TAC4: variants seen among roughly 807,000 people sequenced by gnomAD.
TAC4 encodes the protein tachykinin-4.
A neutral mutation model predicts 17.7 loss-of-function variants in TAC4; 17 were observed. The observed-to-expected ratio is 0.96, with a 90% CI of 0.66 to 1.44. The LOEUF is 1.44. Among genes scored for constraint, TAC4 ranks in the 40% most tolerant of loss-of-function variants. The pLI is 0.00. For synonymous variants in TAC4, 62 were observed against 52.4 expected (o/e 1.18, Z -0.79); for missense variants, 118 against 125.6 (o/e 0.94, Z 0.29).
chr17:49,840,846 A>G (rs1361273667), intron 3 of TAC4, among the ~76,000 whole-genome samples: 1 of 143,040 alleles, frequency 7.0e-6, no homozygotes, highest in East Asian at 2.1e-4. Context: ...TTCGCTTTTC[A>G]CTGAAAGATT....
chr17:49,847,140 C>T (rs1042198127), intron 1 of TAC4: 19 of 1,289,868 alleles, frequency 1.5e-5, no homozygotes, highest in Admixed American at 1.1e-4. Context: ...AAGCCAAGGC[C>T]ACCCCAGTGT....
In TAC4 at chr17:49,841,711, C is replaced by T. The variant is rs1158603681; in HGVS notation, c.200-127G>A. The T allele has an allele frequency of 8.9e-6, 8 of 901,504 alleles. No homozygotes were observed. In the South Asian group the frequency reaches 1.7e-4, roughly 19 times the overall value. The allele number at this position is 901,504 out of a possible 1,614,324, so 55.8% of individuals were successfully genotyped here. ...GGGTCTTCAGTAGAATTCTAGTCAT[C>T]CCCAGTTATCCTCTGTGGCAGTAGG... On this transcript the variant is annotated intron_variant, in intron 2 of 4. Coordinates refer to ENST00000436235, the MANE Select transcript of TAC4 (RefSeq NM_001077506.2).
At chr17:49,840,367 G>A (rs1421764934) in intron 3 of TAC4, among the ~76,000 whole-genome samples, 3 of 152,226 alleles carry the variant, frequency 2.0e-5, no homozygotes, top group African/African-American at 7.2e-5. Context: ...AGGCAGTCAG[G>A]GAAGGAGAGC....
At chr17:49,844,897 C>T (rs1312641962) in intron 1 of TAC4, among the ~76,000 whole-genome samples, 4 of 152,186 alleles carry the variant, frequency 2.6e-5, no homozygotes, top group Non-Finnish European at 4.4e-5. Flanking sequence ...CTAGTAGAAA[C>T]TATGATTTCC....
At chr17:49,843,933 C>A in intron 2 of TAC4, 131 bp downstream of exon 2, 1 of 766,650 alleles carries the variant, frequency 1.3e-6, no homozygotes, top group Non-Finnish European at 2.3e-6. Context: ...GCCACCCCAT[C>A]TCATGAGCGA....
chr17:49,847,323 C>A (rs1567876679), intron 1 of TAC4: 1 of 1,193,654 alleles, frequency 8.4e-7, no homozygotes, highest in South Asian at 1.4e-5. Flanking sequence ...CCTCCCCAAT[C>A]AGATTGTCAG....
At chr17:49,842,538 A>G (rs1373556451) in intron 2 of TAC4, among the ~76,000 whole-genome samples, 2 of 152,272 alleles carry the variant, frequency 1.3e-5, no homozygotes, top group East Asian at 1.9e-4. Flanking sequence ...TCAAAAAAAA[A>G]AAGAAGTTTG....
intron 3 of TAC4, among the ~76,000 whole-genome samples, chr17:49,840,584 C>T (rs900329235): frequency 6.6e-6 from 1 of 152,090 alleles, no homozygotes; most frequent in African/African-American, 2.4e-5. Flanking sequence ...CTCACTGCAA[C>T]CTCTGCCTCC....
At chr17:49,839,763 T>C in intron 4 of TAC4, 87 bp downstream of exon 4, 1 of 1,295,128 alleles carries the variant, frequency 7.7e-7, no homozygotes, top group Non-Finnish European at 1.1e-6. Flanking sequence ...TCTGTCTAGC[T>C]GCCCAGCCCC....
intron 1 of TAC4, chr17:49,847,183 C>G (rs1302988266): frequency 7.8e-7 from 1 of 1,289,928 alleles, no homozygotes; most frequent in African/African-American, 1.5e-5. Context: ...GGAGTCAGGC[C>G]CAGCCTTGTC....
intron 2 of TAC4, among the ~76,000 whole-genome samples, chr17:49,843,470 C>T (rs1200801160): frequency 6.6e-6 from 1 of 152,254 alleles, no homozygotes. Flanking sequence ...TGGAAGGCAC[C>T]ACTCAGGGTG....
Position 49,839,882 on chromosome 17 carries a change from C to A in TAC4, c.260G>T (p.Gly87Val). The change falls in exon 4 of 5, where the codon GGC (glycine) becomes GTC (valine). Residue 87 changes from glycine to valine, a missense_variant. Gly to Val is a moderately radical substitution (Grantham distance 109). Transcript: ENST00000436235. ...KAYQLEHTFQ[G>V]LLGKRSLFTE... Reference sequence around the variant, plus strand: ...GAACAGGCTTCTCTTGCCCAGGAGGCCCTGGAACGTGTGTTCCAGCTGATA... The same window carrying A: ...GAACAGGCTTCTCTTGCCCAGGAGGACCTGGAACGTGTGTTCCAGCTGATA... 1 of 1,612,406 alleles carries A rather than the reference C, an allele frequency of 6.2e-7. No individual in the cohort carries two copies. Among genetic ancestry groups the A allele is most frequent in the South Asian group, 1.1e-5 (1 of 90,466 alleles).
In TAC4 at chr17:49,843,887, C is replaced by T. The variant is rs1246509535; in HGVS notation, c.199+177G>A. On this transcript the variant is annotated intron_variant, in intron 2 of 4. Transcript: ENST00000436235. ...GGGATTACAGACATGAGCCACTGCC[C>T]CCCAGCCTGGATGATAATTCCTATG... 2.0e-5 allele frequency among the ~76,000 whole-genome samples: 3 copies of T among 152,210 alleles called. No individual in the cohort carries two copies. The East Asian group carries it at 5.8e-4, about 29-fold the overall frequency.
At chr17:49,846,389 G>T in intron 1 of TAC4, 1 of 458,416 alleles carries the variant, frequency 2.2e-6, no homozygotes, top group Non-Finnish European at 3.6e-6. Flanking sequence ...TGATCCTCCC[G>T]CCTCAGCCTT....
intron 2 of TAC4, among the ~76,000 whole-genome samples, chr17:49,842,125 C>T (rs1293301193): frequency 6.6e-6 from 1 of 151,054 alleles, no homozygotes; most frequent in Non-Finnish European, 1.5e-5. Flanking sequence ...AGGATGGTCT[C>T]GATCTCCTGA....
Position 49,844,141 on chromosome 17 carries a change from C to T in TAC4, c.122G>A (p.Ser41Asn). Residue 41 changes from serine to asparagine, a missense_variant, in exon 2 of 5, where the codon AGC (serine) becomes AAC (asparagine). Transcript: ENST00000436235. Reference protein sequence around the residue: ...EAETWEGAGPSIQLQLQEVKT... With the variant: ...EAETWEGAGPNIQLQLQEVKT... ...CACCTCCTGCAGCTGGAGCTGAATG[C>T]TGGGGCCAGCGCCTTCCTGAAGAAG... The T allele has an allele frequency of 1.2e-6, 2 of 1,613,802 alleles. No homozygotes were observed. The highest frequency in any genetic ancestry group is 1.7e-6 in the Non-Finnish European group (2 of 1,179,706).
At chr17:49,843,601 TTTC>T (rs1340675031) in intron 2 of TAC4, among the ~76,000 whole-genome samples, 1 of 152,206 alleles carries the variant, frequency 6.6e-6, no homozygotes, top group Non-Finnish European at 1.5e-5. Flanking sequence ...TGCATGCTAA[TTTC>T]TTTTTTTGAG....
chr17:49,841,841 C>A (rs1310524974), intron 2 of TAC4, among the ~76,000 whole-genome samples: 1 of 151,502 alleles, frequency 6.6e-6, no homozygotes, highest in Admixed American at 6.6e-5. Context: ...AAGTGCTTAA[C>A]CTATCTGAGC....
chr17:49,844,027 C>T, intron 2 of TAC4, 37 bp downstream of exon 2: 1 of 1,596,328 alleles, frequency 6.3e-7, no homozygotes, highest in Non-Finnish European at 8.6e-7. Flanking sequence ...CCACTCAGAA[C>T]CCCTGCTTGC....
Sources: gnomAD v4.1 joint callset for allele counts (sites outside exome capture counted in the v4.1 genomes callset) on GRCh38, gnomAD v4.1.1 for gene constraint, MANE v1.5 for transcripts, NCBI Gene and HGNC (gene_info 2026-07-23, HGNC 2026-07-21) for gene names.